MYT1L: variants seen among roughly 807,000 people sequenced by gnomAD.
MYT1L encodes myelin transcription factor 1-like protein.
A neutral mutation model predicts 126.7 loss-of-function variants in MYT1L; 12 were observed. That is an observed-to-expected ratio of 0.09 (90% confidence interval 0.06 to 0.15). The LOEUF (loss-of-function observed/expected upper bound fraction) is 0.15, where lower values mean the gene tolerates loss of function less well. Among genes scored for constraint, MYT1L ranks in the 10% least tolerant of loss-of-function variants. The probability of loss-of-function intolerance (pLI) is 1.00; values close to 1 mark genes in which losing one functional copy is unlikely to be tolerated. For synonymous variants in MYT1L, 541 were observed against 604.2 expected, an observed-to-expected ratio of 0.90 and a Z score of 1.53; for missense variants, 979 against 1,585.2, an observed-to-expected ratio of 0.62 and a Z score of 6.49.
intron 2 of MYT1L, among the ~76,000 whole-genome samples, chr2:2,229,655 A>G (rs751493756): frequency 8.6e-5 from 13 of 151,002 alleles, no homozygotes; most frequent in Non-Finnish European, 1.6e-4. Flanking sequence ...CTGGTCTTGA[A>G]CTCCTGGGCT....
chr2:1,841,194 T>C (rs13022432), intron 19 of MYT1L: 13,313 of 74,098 alleles, frequency 0.18, 2,015 homozygotes, highest in African/African-American at 0.6. Context: ...GACAGAGTCT[T>C]GCTCTGTCGC....
chr2:2,146,337 C>T (rs1218947990), intron 3 of MYT1L, among the ~76,000 whole-genome samples: 4 of 152,134 alleles, frequency 2.6e-5, no homozygotes, highest in African/African-American at 7.2e-5. Flanking sequence ...TGGGCAGAGA[C>T]GCCTGAGACG....
At chr2:1,818,019 G>C (rs903667112) in intron 21 of MYT1L, among the ~76,000 whole-genome samples, 4 of 152,224 alleles carry the variant, frequency 2.6e-5, no homozygotes, top group Non-Finnish European at 2.9e-5. Context: ...GTCAGCACCA[G>C]GGATTCCAGA....
At chr2:1,973,462 A>G (rs1265974127) in intron 8 of MYT1L, among the ~76,000 whole-genome samples, 1 of 152,194 alleles carries the variant, frequency 6.6e-6, no homozygotes, top group Admixed American at 6.5e-5. Context: ...AGTATTTTAT[A>G]TCAACATGCA....
chr2:1,823,440 G>A (rs561786937), intron 21 of MYT1L, among the ~76,000 whole-genome samples: 43 of 152,338 alleles, frequency 2.8e-4, no homozygotes, highest in Admixed American at 4.6e-4. Flanking sequence ...CGGCTCCGGG[G>A]TCCTGGAGGA....
intron 2 of MYT1L, among the ~76,000 whole-genome samples, chr2:2,255,767 G>A (rs893632182): frequency 1.3e-5 from 2 of 152,130 alleles, no homozygotes; most frequent in African/African-American, 4.8e-5. Flanking sequence ...ACTGGCTGTT[G>A]TGAAACAAAG....
chr2:2,215,362 T>A (rs73177806), intron 2 of MYT1L, among the ~76,000 whole-genome samples: 1 of 152,078 alleles, frequency 6.6e-6, no homozygotes, highest in African/African-American at 2.4e-5. Flanking sequence ...AGATACATCA[T>A]GCTTGCACTA....
chr2:1,913,063 A>C (rs2052293386), intron 11 of MYT1L, among the ~76,000 whole-genome samples: 1 of 152,324 alleles, frequency 6.6e-6, no homozygotes, highest in African/African-American at 2.4e-5. Flanking sequence ...CCAGGTGAAC[A>C]TGGAAGGTCT....
intron 3 of MYT1L, among the ~76,000 whole-genome samples, chr2:2,138,794 T>A (rs2083472801): frequency 6.7e-6 from 1 of 148,582 alleles, no homozygotes; most frequent in Admixed American, 6.7e-5. Flanking sequence ...TGTATACATA[T>A]GTAATTAACC....
chr2:1,845,278 C>G (rs1277999430), intron 19 of MYT1L, among the ~76,000 whole-genome samples: 2 of 152,152 alleles, frequency 1.3e-5, no homozygotes, highest in Non-Finnish European at 2.9e-5. Flanking sequence ...CACCCAGCCA[C>G]CATCTTCCAT....
At chr2:2,272,459 CT>C (rs1173923235) in intron 2 of MYT1L, among the ~76,000 whole-genome samples, 1 of 152,142 alleles carries the variant, frequency 6.6e-6, no homozygotes, top group Non-Finnish European at 1.5e-5. Context: ...CATTTCTTTG[CT>C]TAAAAAAAGT....
chr2:2,213,231 G>A (rs572014254), intron 2 of MYT1L, among the ~76,000 whole-genome samples: 2 of 152,280 alleles, frequency 1.3e-5, no homozygotes, highest in Non-Finnish European at 2.9e-5. Flanking sequence ...AAAACAAAAT[G>A]CTTGTCCTGG....
Position 1,968,357 on chromosome 2 carries a change from G to C in MYT1L, c.152+10808C>G, listed in dbSNP as rs141651019. 2.0e-3 allele frequency among the ~76,000 whole-genome samples: 308 copies of C among 152,260 alleles called. 1 individual carries two copies. Among genetic ancestry groups the C allele is most frequent in the African/African-American group, 6.7e-3 (280 of 41,532 alleles). ...TCGAGGGAATAACAAGGTGATCCAG[G>C]CATCGCTGAATTGCTATGTATTATT... is the stretch of plus-strand genomic sequence containing the variant. On this transcript the variant is annotated intron_variant, in intron 8 of 24. Coordinates refer to ENST00000647738, the MANE Select transcript of MYT1L (RefSeq NM_001303052.2).
intron 3 of MYT1L, among the ~76,000 whole-genome samples, chr2:2,121,061 C>A (rs965526992): frequency 1.3e-5 from 2 of 152,172 alleles, no homozygotes; most frequent in Non-Finnish European, 2.9e-5. Context: ...AAGGAGGTGC[C>A]CCCCAGCCCG....
chr2:2,214,741 G>C (rs1385701127), intron 2 of MYT1L, among the ~76,000 whole-genome samples: 1 of 152,176 alleles, frequency 6.6e-6, no homozygotes, highest in Non-Finnish European at 1.5e-5. Flanking sequence ...CACACAGAAG[G>C]AACATAGGAC....
chr2:1,795,411 G>A (rs1297733632), intron 23 of MYT1L: 2 of 152,464 alleles, frequency 1.3e-5, no homozygotes, highest in Non-Finnish European at 2.9e-5. Flanking sequence ...GAAAGGTGAT[G>A]TAGGGGCTCC....
intron 8 of MYT1L, among the ~76,000 whole-genome samples, chr2:1,952,305 A>T (rs774169149): frequency 1.2e-4 from 18 of 152,208 alleles, no homozygotes; most frequent in Non-Finnish European, 2.6e-4. Context: ...TAGTAATTCA[A>T]GATTCAAATA....
chr2:2,329,133 A>T (rs1239784907), intron 1 of MYT1L, among the ~76,000 whole-genome samples: 3 of 152,198 alleles, frequency 2.0e-5, no homozygotes, highest in Non-Finnish European at 4.4e-5. Context: ...TCACAGCAAA[A>T]CTGAATGAGG....
rs1020079526 is a variant in MYT1L, at chr2:1,931,329, T to G, written c.506-8066A>C. Among the ~76,000 whole-genome samples, 6 of 152,160 alleles carry G rather than the reference T, an allele frequency of 3.9e-5. No individual in the cohort carries two copies. The East Asian group carries it at 5.8e-4, about 15-fold the overall frequency. On this transcript the variant is annotated intron_variant, in intron 9 of 24. Transcript: ENST00000647738. ...GGCCTTGCAGACACTTCCTCCACCC[T>G]CAGCGATGCCCATGTCTGCTGCGCC... is the stretch of plus-strand genomic sequence containing the variant.
Sources: allele counts gnomAD v4.1 joint callset (sites outside exome capture counted in the v4.1 genomes callset), GRCh38; gene constraint gnomAD v4.1.1; transcripts MANE v1.5; gene names NCBI Gene and HGNC (gene_info 2026-07-23, HGNC 2026-07-21).